C1orf87: variants seen among roughly 807,000 people sequenced by gnomAD.
The protein encoded by C1orf87 is uncharacterized protein C1orf87.
In C1orf87, 58 loss-of-function variants were observed where a neutral mutation model predicts 60.5. The ratio of observed to expected loss-of-function variants is 0.96; its 90% CI spans 0.78 to 1.19. The LOEUF (loss-of-function observed/expected upper bound fraction) is 1.19. Ranked by LOEUF, C1orf87 falls within the 50% of genes most tolerant of loss-of-function variation. C1orf87 has a pLI of 0.00. For missense variants in C1orf87, 673 were observed against 638.6 expected (o/e 1.05, Z -0.58); for synonymous variants, 236 against 227.4 (o/e 1.04, Z -0.34).
At position 60,025,617 on chromosome 1, in the gene C1orf87, GAATT is replaced by G. The variant is rs1164474276; in HGVS notation, c.1030-123_1030-120del. 7 of 748,504 alleles carry G rather than the reference GAATT, an allele frequency of 9.4e-6. No homozygotes were observed. In the Admixed American group the frequency reaches 9.4e-5, roughly 10 times the overall value. 46.4% of individuals were successfully genotyped at this position (748,504 alleles called of 1,614,324 possible). ...TTGGAAGCTATATTATTTTGACAAA[GAATT>G]AATACCCAGGAGTACATTCTACCAT... On this transcript the variant is annotated intron_variant, in intron 7 of 11. Transcript: ENST00000371201.
intron 8 of C1orf87, among the ~76,000 whole-genome samples, chr1:60,020,561 T>C (rs1309413552): frequency 6.6e-6 from 1 of 152,232 alleles, no homozygotes; most frequent in African/African-American, 2.4e-5. Flanking sequence ...ATGATTGCTC[T>C]GCTGGGTTTT....
rs987564363 is a variant in C1orf87 at position 60,033,262 on chromosome 1, C to T, written c.1029+214G>A. On this transcript the variant is annotated intron_variant, in intron 7 of 11. Coordinates refer to ENST00000371201, the MANE Select transcript of C1orf87 (RefSeq NM_152377.3). ...TCTCTATTATTAACATAAAACAGCC[C>T]AATATAAGTAATTCCTGGATCAATT... Among the ~76,000 whole-genome samples the T allele has an allele frequency of 2.0e-5, 3 of 152,198 alleles. No individual in the cohort carries two copies. In the South Asian group the frequency reaches 6.2e-4, roughly 32 times the overall value.
intron 2 of C1orf87, among the ~76,000 whole-genome samples, chr1:60,070,504 T>C (rs775799970): frequency 1.3e-5 from 2 of 152,300 alleles, no homozygotes; most frequent in Middle Eastern, 3.4e-3. Flanking sequence ...AATGACATGA[T>C]AGTGGCGGCA....
chr1:60,028,352 T>G (rs1216149972), intron 7 of C1orf87, among the ~76,000 whole-genome samples: 2 of 152,234 alleles, frequency 1.3e-5, no homozygotes, highest in Non-Finnish European at 2.9e-5. Context: ...AGAAGCAGAC[T>G]GATGGATAGC....
chr1:59,996,349 C>T (rs530739270), intron 11 of C1orf87, among the ~76,000 whole-genome samples: 2 of 152,190 alleles, frequency 1.3e-5, no homozygotes, highest in South Asian at 2.1e-4. Context: ...TGGTTCTAGA[C>T]TTCATTCTCT....
rs187197569 is a variant in C1orf87, at chr1:60,043,851, C to T, written c.343-2720G>A. ...GTGTTTTAAAGAAATGTTATCAATA[C>T]TTTATCATTCCATGAGTCAAGGTAT... On this transcript the variant is annotated intron_variant, in intron 3 of 11. Transcript: ENST00000371201. Among the ~76,000 whole-genome samples, 143 of 152,100 alleles carry T rather than the reference C, an allele frequency of 9.4e-4. 1 individual carries two copies. Among genetic ancestry groups the T allele is most frequent in the Middle Eastern group, 3.4e-3 (1 of 294 alleles).
chr1:60,070,582 G>A (rs1431198325), intron 2 of C1orf87, among the ~76,000 whole-genome samples: 2 of 152,068 alleles, frequency 1.3e-5, no homozygotes, highest in African/African-American at 4.8e-5. Context: ...GAATATTTTA[G>A]CAATGCACAT....
chr1:60,045,727 G>T (rs1645361352), intron 3 of C1orf87, among the ~76,000 whole-genome samples: 1 of 152,176 alleles, frequency 6.6e-6, no homozygotes, highest in Non-Finnish European at 1.5e-5. Flanking sequence ...CTGGGAGTCT[G>T]TGAGAAATGA....
intron 6 of C1orf87, among the ~76,000 whole-genome samples, chr1:60,035,882 C>T (rs968440728): frequency 6.6e-6 from 1 of 152,158 alleles, no homozygotes; most frequent in Non-Finnish European, 1.5e-5. Flanking sequence ...ATGCCATAAC[C>T]GCTATGAAGG....
At chr1:60,000,187 T>C (rs1443065386) in intron 10 of C1orf87, among the ~76,000 whole-genome samples, 1 of 152,168 alleles carries the variant, frequency 6.6e-6, no homozygotes, top group African/African-American at 2.4e-5. Flanking sequence ...ATAGGAAACT[T>C]GCTTTACCAG....
intron 2 of C1orf87, among the ~76,000 whole-genome samples, chr1:60,071,632 A>T (rs2100339487): frequency 6.6e-6 from 1 of 152,318 alleles, no homozygotes; most frequent in South Asian, 2.1e-4. Context: ...ACTTCATAAC[A>T]GCAGTCTTGG....
At chr1:59,993,418 T>G (rs1374624674) in intron 11 of C1orf87, among the ~76,000 whole-genome samples, 1 of 152,102 alleles carries the variant, frequency 6.6e-6, no homozygotes, top group East Asian at 1.9e-4. Context: ...ATAATAATTA[T>G]GTCATCAACA....
At chr1:60,020,050 G>A (rs1250281942) in intron 8 of C1orf87, among the ~76,000 whole-genome samples, 2 of 152,206 alleles carry the variant, frequency 1.3e-5, no homozygotes, top group Non-Finnish European at 2.9e-5. Flanking sequence ...CATAAGTGAT[G>A]AGGAGCTATA....
chr1:59,990,563 G>T lies in C1orf87; in HGVS notation c.*110C>A. 1.6e-6 allele frequency: 2 copies of T among 1,289,526 alleles called. No individual in the cohort carries two copies. Among genetic ancestry groups the T allele is most frequent in the Non-Finnish European group, 1.1e-6 (1 of 927,292 alleles). 79.9% of individuals were successfully genotyped at this position (1,289,526 alleles called of 1,614,324 possible). A position where few individuals can be genotyped will look rare whatever the true frequency, so the allele number is the denominator to read the frequency against. ...AAAAGCATCTACAATAGCTGCATCG[G>T]CCTCCACTCTGACAATGCCTCCGCC... On this transcript the variant is annotated 3_prime_UTR_variant, in exon 12 of 12. Coordinates refer to ENST00000371201, the MANE Select transcript of C1orf87 (RefSeq NM_152377.3).
At chr1:60,062,238 A>G (rs1037427938) in intron 2 of C1orf87, among the ~76,000 whole-genome samples, 4 of 152,114 alleles carry the variant, frequency 2.6e-5, no homozygotes, top group Non-Finnish European at 5.9e-5. Flanking sequence ...CTCAGCATAC[A>G]TCTTTGTAAT....
chr1:59,997,786 T>C lies in C1orf87; in HGVS notation c.1303A>G (p.Ser435Gly). ...KTPEEELQPE[S>G]SPAETSACKD... ...CAGGCTGAAGTTTCAGCAGGAGAGC[T>C]TTCTGGCTGCAGCTCCTCTTCTGGA... Residue 435 changes from serine (S) to glycine (G), a missense_variant, in exon 11 of 12, where the codon AGC becomes GGC. Physicochemically the swap from Ser to Gly is moderately conservative, Grantham distance 56. Transcript: ENST00000371201. The C allele has an allele frequency of 6.2e-7, 1 of 1,613,778 alleles. No homozygotes were observed. Among genetic ancestry groups the C allele is most frequent in the Non-Finnish European group, 8.5e-7 (1 of 1,179,850 alleles).
intron 6 of C1orf87, among the ~76,000 whole-genome samples, chr1:60,034,176 A>G (rs531809820): frequency 1.3e-5 from 2 of 152,152 alleles, no homozygotes; most frequent in South Asian, 4.2e-4. Context: ...TATCTGAAAA[A>G]CCCAGAAATG....
intron 6 of C1orf87, among the ~76,000 whole-genome samples, chr1:60,035,991 T>A (rs543022825): frequency 5.3e-5 from 8 of 152,306 alleles, no homozygotes; most frequent in African/African-American, 1.9e-4. Flanking sequence ...CGCCAGGGAT[T>A]GGCCTTGTTT....
In C1orf87 at chr1:60,018,926, A is replaced by C. The variant is rs539938652; in HGVS notation, c.1127+6475T>G. 9.8e-5 allele frequency among the ~76,000 whole-genome samples: 15 copies of C among 152,344 alleles called. No individual in the cohort carries two copies. In the South Asian group the frequency reaches 2.9e-3, roughly 29 times the overall value. On this transcript the variant is annotated intron_variant, in intron 8 of 11. Transcript: ENST00000371201. Reference sequence around the variant, plus strand: ...TTATTTATCTTTCCCATTAGAATATAAGTTTCATGAGGAAAGGGGCTTTGT... The same window carrying C: ...TTATTTATCTTTCCCATTAGAATATCAGTTTCATGAGGAAAGGGGCTTTGT...
Sources: allele counts gnomAD v4.1 joint callset (sites outside exome capture counted in the v4.1 genomes callset), GRCh38; gene constraint gnomAD v4.1.1; transcripts MANE v1.5; gene names NCBI Gene and HGNC (gene_info 2026-07-23, HGNC 2026-07-21).